Variants in HCN1 observed in about 807,000 individuals in gnomAD.
HCN1 encodes the protein hyperpolarization activated cyclic nucleotide gated potassium channel 1.
A neutral mutation model predicts 78.9 loss-of-function variants in HCN1; 13 were observed. The observed-to-expected ratio is 0.16, with a 90% confidence interval of 0.11 to 0.26. The LOEUF (loss-of-function observed/expected upper bound fraction) is 0.26. HCN1 is among the 10% of genes least tolerant of loss of function. HCN1 has a pLI of 1.00. For synonymous variants in HCN1, 552 were observed against 455.5 expected (o/e 1.21, Z -2.70); for missense variants, 810 against 1,154.3 (o/e 0.70, Z 4.32).
intron 1 of HCN1, among the ~76,000 whole-genome samples, chr5:45,648,050 G>A (rs1179006502): frequency 6.6e-6 from 1 of 152,096 alleles, no homozygotes; most frequent in Non-Finnish European, 1.5e-5. Context: ...CAAATATACA[G>A]GGTTTTATGG....
intron 6 of HCN1, among the ~76,000 whole-genome samples, chr5:45,303,308 A>G (rs548622626): frequency 6.6e-6 from 1 of 152,210 alleles, no homozygotes; most frequent in African/African-American, 2.4e-5. Context: ...ATGTTAGTGG[A>G]TGGATGGAAT....
chr5:45,490,063 C>A (rs1196964188), intron 2 of HCN1, among the ~76,000 whole-genome samples: 1 of 152,124 alleles, frequency 6.6e-6, no homozygotes, highest in East Asian at 1.9e-4. Context: ...ATTGCTGGAG[C>A]AGCATCTTTA....
intron 2 of HCN1, among the ~76,000 whole-genome samples, chr5:45,566,596 T>C (rs573604722): frequency 6.6e-6 from 1 of 151,894 alleles, no homozygotes; most frequent in South Asian, 2.1e-4. Flanking sequence ...TGATCACAAA[T>C]GGAAATTGAT....
chr5:45,432,125 C>A (rs2112078110), intron 3 of HCN1, among the ~76,000 whole-genome samples: 1 of 152,070 alleles, frequency 6.6e-6, no homozygotes, highest in Middle Eastern at 3.4e-3. Flanking sequence ...CAGTGTCTGG[C>A]AGTTCTTATT....
chr5:45,476,799 C>A (rs1308363105), intron 2 of HCN1, among the ~76,000 whole-genome samples: 2 of 152,026 alleles, frequency 1.3e-5, no homozygotes, highest in Non-Finnish European at 2.9e-5. Context: ...TGCCATGATG[C>A]CACAAGTGAA....
intron 1 of HCN1, among the ~76,000 whole-genome samples, chr5:45,688,893 T>C (rs777302693): frequency 2.6e-5 from 4 of 152,050 alleles, no homozygotes; most frequent in Non-Finnish European, 5.9e-5. Context: ...AAATACTATA[T>C]ATTGCATGAC....
chr5:45,613,622 C>A (rs1010571136), intron 2 of HCN1, among the ~76,000 whole-genome samples: 1 of 151,668 alleles, frequency 6.6e-6, no homozygotes. Flanking sequence ...GGGTATATAC[C>A]CAAAGGACTA....
intron 1 of HCN1, among the ~76,000 whole-genome samples, chr5:45,647,339 A>G (rs1160645204): frequency 2.6e-5 from 4 of 152,126 alleles, no homozygotes; most frequent in African/African-American, 9.7e-5. Flanking sequence ...CAATATTGTA[A>G]CAGCTATTTC....
chr5:45,397,262 T>C (rs1055090272), intron 3 of HCN1, among the ~76,000 whole-genome samples: 1 of 152,162 alleles, frequency 6.6e-6, no homozygotes, highest in Non-Finnish European at 1.5e-5. Context: ...AAAGACTTCC[T>C]TGAAGCCCTC....
chr5:45,666,470 C>T (rs988513226), intron 1 of HCN1, among the ~76,000 whole-genome samples: 9 of 152,000 alleles, frequency 5.9e-5, no homozygotes, highest in African/African-American at 2.2e-4. Flanking sequence ...AAGGCCACAA[C>T]CACAATATGT....
intron 3 of HCN1, among the ~76,000 whole-genome samples, chr5:45,410,774 A>G (rs962063773): frequency 2.0e-5 from 3 of 152,068 alleles, no homozygotes; most frequent in African/African-American, 7.2e-5. Flanking sequence ...TAAGCACTTA[A>G]AGCTATTTTT....
Position 45,303,838 on chromosome 5 carries a change from T to G in HCN1, c.1379A>C (p.Glu460Ala). ...TTTCCGACAGTTGAAGTTGACTATC[T>G]CCTAAAGATGTCAAGAGTAAACAAA... ...LNELNDPLRE[E>A]IVNFNCRKLV... Residue 460 changes from glutamate (E) to alanine (A), a missense_variant and splice_region_variant, in exon 6 of 8, where the codon GAG (glutamate) becomes GCG (alanine). Around this residue, in one of 6 missense-constraint regions of HCN1, gnomAD observed 100 missense variants for 126.8 expected, o/e 0.79. Transcript: ENST00000303230. 3 of 1,612,270 alleles carry G rather than the reference T, an allele frequency of 1.9e-6. No individual in the cohort carries two copies. The highest frequency in any genetic ancestry group is 2.5e-6 in the Non-Finnish European group (3 of 1,178,530).
At chr5:45,548,095 T>C (rs1421790360) in intron 2 of HCN1, among the ~76,000 whole-genome samples, 1 of 151,942 alleles carries the variant, frequency 6.6e-6, no homozygotes, top group Admixed American at 6.6e-5. Flanking sequence ...AAGCCTCTAC[T>C]AATTTCCTTT....
chr5:45,660,492 A>G (rs1688781896), intron 1 of HCN1, among the ~76,000 whole-genome samples: 1 of 150,664 alleles, frequency 6.6e-6, no homozygotes, highest in Admixed American at 6.6e-5. Context: ...TTCTGCAATT[A>G]AAAAACACAG....
At chr5:45,682,639 CAAACAAAAA>C (rs1434064035) in intron 1 of HCN1, among the ~76,000 whole-genome samples, 2 of 151,310 alleles carry the variant, frequency 1.3e-5, no homozygotes, top group Non-Finnish European at 2.9e-5. Context: ...AAAAAACAAA[CAAACAAAAA>C]AAAGCACCTC....
At chr5:45,287,721 T>A (rs896569209) in intron 6 of HCN1, among the ~76,000 whole-genome samples, 6 of 152,068 alleles carry the variant, frequency 3.9e-5, no homozygotes, top group Admixed American at 1.3e-4. Flanking sequence ...CACACACACA[T>A]TGATATAGAG....
rs575220540 is a variant in HCN1, at chr5:45,551,736, T to C, written c.850-89729A>G. On this transcript the variant is annotated intron_variant, in intron 2 of 7. Transcript: ENST00000303230. ...GTGTTTTATCTGTACAATTTTGTGATTGTGGAGGATTACTCCGAACAACTC... is the reference window on the plus strand; with the variant it reads ...GTGTTTTATCTGTACAATTTTGTGACTGTGGAGGATTACTCCGAACAACTC... 4.6e-5 allele frequency among the ~76,000 whole-genome samples: 7 copies of C among 152,022 alleles called. No individual in the cohort carries two copies. The South Asian group carries it at 1.4e-3, about 31-fold the overall frequency.
intron 2 of HCN1, among the ~76,000 whole-genome samples, chr5:45,514,899 T>C (rs1426652130): frequency 6.6e-6 from 1 of 152,100 alleles, no homozygotes; most frequent in African/African-American, 2.4e-5. Context: ...TTCTTTCTGT[T>C]GAATTGAAAT....
Position 45,682,278 on chromosome 5 carries a change from T to TATATATATAC in HCN1, c.425+13390_425+13391insGTATATATAT, listed in dbSNP as rs1561243557. Among the ~76,000 whole-genome samples the TATATATATAC allele has an allele frequency of 8.8e-3, 998 of 113,798 alleles. 17 individuals are homozygous for TATATATATAC. The highest frequency in any genetic ancestry group is 0.034 in the African/African-American group (958 of 28,380). The allele number at this position is 113,798 out of a possible 152,430, so 74.7% of individuals were successfully genotyped here. ...TATCATATATATATATATACATATA[T>TATATATATAC]ATATATATATACACATATATATATC... On this transcript the variant is annotated intron_variant, in intron 1 of 7. Transcript: ENST00000303230.
Sources: allele counts gnomAD v4.1 joint callset (sites outside exome capture counted in the v4.1 genomes callset), GRCh38; gene constraint gnomAD v4.1.1; regional missense constraint gnomAD v4.1.1; transcripts MANE v1.5; gene names NCBI Gene and HGNC (gene_info 2026-07-23, HGNC 2026-07-21).